The following THEMIS variants were observed in gnomAD, a reference collection of about 807,000 sequenced individuals.
THEMIS encodes thymocyte selection associated, also known as protein THEMIS.
In THEMIS, 37 loss-of-function variants were observed where a neutral mutation model predicts 52.6. The ratio of observed to expected loss-of-function variants is 0.70; its 90% CI spans 0.54 to 0.93. The LOEUF (loss-of-function observed/expected upper bound fraction) is 0.93. Ranked by LOEUF, THEMIS falls within the 40% of genes least tolerant of loss-of-function variation. The pLI, the probability that THEMIS is intolerant of heterozygous loss-of-function variation, is 0.00. For synonymous variants in THEMIS, 292 were observed against 272.7 expected, an observed-to-expected ratio of 1.07 and a Z score of -0.70; for missense variants, 808 against 763.1, an observed-to-expected ratio of 1.06 and a Z score of -0.69.
rs28733622 is a variant in THEMIS at position 127,832,614 on chromosome 6, C to T, written c.251-2680G>A. Among the ~76,000 whole-genome samples, 7 of 151,934 alleles carry T rather than the reference C, an allele frequency of 4.6e-5. No individual in the cohort carries two copies. The East Asian group carries it at 1.2e-3, about 25-fold the overall frequency. ...TCATCTTTTTCTCAAAGTGTACAAT[C>T]GTTTTATACTGGGAAAAATATGCTT... On this transcript the variant is annotated intron_variant, in intron 2 of 5. Coordinates refer to ENST00000368248, the MANE Select transcript of THEMIS (RefSeq NM_001010923.3).
At chr6:127,757,474 CAT>C (rs1775867113) in intron 4 of THEMIS, among the ~76,000 whole-genome samples, 1 of 151,656 alleles carries the variant, frequency 6.6e-6, no homozygotes. Flanking sequence ...ACATGTCACA[CAT>C]GTCACTTTTT....
chr6:127,772,506 A>G (rs2114444418), intron 4 of THEMIS, among the ~76,000 whole-genome samples: 1 of 152,200 alleles, frequency 6.6e-6, no homozygotes, highest in African/African-American at 2.4e-5. Context: ...TTTAAGGAAA[A>G]GTTCTAGCAT....
Position 127,823,945 on chromosome 6 carries a change from T to C in THEMIS, c.709+5531A>G, listed in dbSNP as rs112762336. On this transcript the variant is annotated intron_variant, in intron 3 of 5. Transcript: ENST00000368248. ...AAGAATGATAAATTACTTGACAGAA[T>C]AGAAAAAGGAGTGCCTATGTGCCTG... Among the ~76,000 whole-genome samples the C allele has an allele frequency of 2.4e-3, 370 of 152,086 alleles. 2 individuals are homozygous for C. Among genetic ancestry groups the C allele is most frequent in the Non-Finnish European group, 3.0e-3 (203 of 67,972 alleles).
intron 1 of THEMIS, among the ~76,000 whole-genome samples, chr6:127,884,186 T>C (rs1780574463): frequency 6.6e-6 from 1 of 152,154 alleles, no homozygotes; most frequent in Non-Finnish European, 1.5e-5. Context: ...TTTGTTTTGC[T>C]TTACAGGCTG....
intron 1 of THEMIS, among the ~76,000 whole-genome samples, chr6:127,914,113 A>G (rs73580721): frequency 0.17 from 25,176 of 152,116 alleles, 2,587 homozygotes; most frequent in East Asian, 0.38. Flanking sequence ...GTAATTTTAT[A>G]CAATATTTTT....
At chr6:127,847,490 A>G (rs1285677047) in intron 2 of THEMIS, among the ~76,000 whole-genome samples, 1 of 152,026 alleles carries the variant, frequency 6.6e-6, no homozygotes, top group East Asian at 1.9e-4. Flanking sequence ...TAAATCAACA[A>G]TGACCAAACT....
At chr6:127,839,723 C>A (rs1778983914) in intron 2 of THEMIS, among the ~76,000 whole-genome samples, 1 of 152,044 alleles carries the variant, frequency 6.6e-6, no homozygotes, top group African/African-American at 2.4e-5. Flanking sequence ...GCCATATTTA[C>A]TTACTCGCAA....
chr6:127,735,852 C>T (rs1156477258), intron 4 of THEMIS, among the ~76,000 whole-genome samples: 1 of 152,196 alleles, frequency 6.6e-6, no homozygotes, highest in Non-Finnish European at 1.5e-5. Flanking sequence ...CTTCCAACAT[C>T]AGGGAACATC....
intron 1 of THEMIS, among the ~76,000 whole-genome samples, chr6:127,863,337 C>G (rs2114345126): frequency 1.3e-5 from 2 of 152,188 alleles, no homozygotes; most frequent in South Asian, 4.2e-4. Flanking sequence ...AGCAGGTGTC[C>G]AAATTTTATT....
chr6:127,752,224 A>G (rs1775667506), intron 4 of THEMIS, among the ~76,000 whole-genome samples: 1 of 151,682 alleles, frequency 6.6e-6, no homozygotes, highest in African/African-American at 2.4e-5. Flanking sequence ...AGATTTGCAT[A>G]TACAACCTAA....
At chr6:127,820,638 T>C (rs1562279715) in intron 3 of THEMIS, among the ~76,000 whole-genome samples, 1 of 152,072 alleles carries the variant, frequency 6.6e-6, no homozygotes, top group Admixed American at 6.6e-5. Context: ...GGAGAAGAGA[T>C]TGAAATCAGG....
intron 4 of THEMIS, among the ~76,000 whole-genome samples, chr6:127,788,883 T>C (rs1367299474): frequency 3.9e-5 from 6 of 152,058 alleles, no homozygotes; most frequent in Non-Finnish European, 8.8e-5. Flanking sequence ...TAAAGTAGTG[T>C]TTAGAGTGAA....
At chr6:127,782,777 T>C (rs941534471) in intron 4 of THEMIS, among the ~76,000 whole-genome samples, 12 of 152,138 alleles carry the variant, frequency 7.9e-5, no homozygotes, top group Admixed American at 7.9e-4. Context: ...TGCTCATGGA[T>C]AGGAAGAATC....
intron 5 of THEMIS, 78 bp downstream of exon 5, chr6:127,719,610 A>G (rs886422591): frequency 7.6e-7 from 1 of 1,315,720 alleles, no homozygotes; most frequent in Middle Eastern, 1.9e-4. Flanking sequence ...AAATAATAGT[A>G]AGAATCTGTC....
intron 4 of THEMIS, among the ~76,000 whole-genome samples, chr6:127,768,601 C>G (rs1308883803): frequency 1.3e-5 from 2 of 152,122 alleles, no homozygotes; most frequent in African/African-American, 4.8e-5. Context: ...ACGTGTGAAA[C>G]AGACCTTCAA....
intron 4 of THEMIS, among the ~76,000 whole-genome samples, chr6:127,784,716 C>T (rs1776864457): frequency 6.6e-6 from 1 of 152,082 alleles, no homozygotes; most frequent in South Asian, 2.1e-4. Context: ...ATGTACTACC[C>T]AGATGAGGTA....
intron 3 of THEMIS, among the ~76,000 whole-genome samples, chr6:127,828,404 C>A (rs993455784): frequency 3.9e-5 from 6 of 152,096 alleles, no homozygotes; most frequent in African/African-American, 1.2e-4. Context: ...CTCAAAACTA[C>A]TTGAAAAGGT....
intron 4 of THEMIS, among the ~76,000 whole-genome samples, chr6:127,793,106 A>G (rs772952407): frequency 3.3e-5 from 5 of 152,190 alleles, no homozygotes; most frequent in Non-Finnish European, 5.9e-5. Flanking sequence ...GTTCGAAAAC[A>G]AATTGAGTTA....
chr6:127,727,121 C>T (rs1203935698), intron 4 of THEMIS, among the ~76,000 whole-genome samples: 5 of 152,160 alleles, frequency 3.3e-5, no homozygotes, highest in African/African-American at 1.2e-4. Flanking sequence ...ACTCAAAATG[C>T]TGATGTAATG....
Sources: allele counts gnomAD v4.1 joint callset (sites outside exome capture counted in the v4.1 genomes callset), GRCh38; gene constraint gnomAD v4.1.1; transcripts MANE v1.5; gene names NCBI Gene and HGNC (gene_info 2026-07-23, HGNC 2026-07-21).